The following TAMM41 variants were observed in gnomAD, a reference collection of about 807,000 sequenced individuals.
TAMM41 encodes phosphatidate cytidylyltransferase, mitochondrial.
A neutral mutation model predicts 44.1 loss-of-function variants in TAMM41; 36 were observed. The ratio of observed to expected loss-of-function variants is 0.82; its 90% CI spans 0.63 to 1.08. The LOEUF (loss-of-function observed/expected upper bound fraction) is 1.08, where lower values mean the gene tolerates loss of function less well. Among genes scored for constraint, TAMM41 ranks in the 50% least tolerant of loss-of-function variants. The pLI, the probability that TAMM41 is intolerant of heterozygous loss-of-function variation, is 0.00. For missense variants in TAMM41, 417 were observed against 404.3 expected, an observed-to-expected ratio of 1.03 and a Z score of -0.27; for synonymous variants, 164 against 153.1, an observed-to-expected ratio of 1.07 and a Z score of -0.53.
the TAMM41 span, among the ~76,000 whole-genome samples, chr3:11,765,280 G>A: frequency 6.6e-5 from 10 of 152,122 alleles, no homozygotes; most frequent in South Asian, 2.1e-4. Flanking sequence ...ACCCGTCACC[G>A]CCATCCTCGG....
chr3:11,821,703 T>C (rs1431812107), intron 4 of TAMM41, among the ~76,000 whole-genome samples: 1 of 152,120 alleles, frequency 6.6e-6, no homozygotes, highest in Non-Finnish European at 1.5e-5. Flanking sequence ...AAGCGCTGGG[T>C]CTTGGAGATA....
chr3:11,816,156 CCTA>C (rs2078268546), intron 5 of TAMM41, among the ~76,000 whole-genome samples: 1 of 151,244 alleles, frequency 6.6e-6, no homozygotes, highest in Admixed American at 6.6e-5. Context: ...GTTAGTTGCC[CCTA>C]CTATGTGGAT....
chr3:11,822,589 A>T (rs1227811123), intron 4 of TAMM41, among the ~76,000 whole-genome samples: 1 of 152,180 alleles, frequency 6.6e-6, no homozygotes, highest in Non-Finnish European at 1.5e-5. Context: ...GATCTAATCT[A>T]CTTTCTTGCC....
rs61264653 is a variant in TAMM41, at chr3:11,793,059, C to CAAAAAA, written c.938-2484_938-2479dup. ...CTGGCCACAGAGCAAGGCCCCATCT[C>CAAAAAA]AAAAAAAAAAAAAAAAAAAAAAAAA... On this transcript the variant is annotated intron_variant, in intron 7 of 7. Coordinates refer to ENST00000455809, the MANE Select transcript of TAMM41 (RefSeq NM_001284401.2). Among the ~76,000 whole-genome samples, 25 of 65,090 alleles carry CAAAAAA rather than the reference C, an allele frequency of 3.8e-4. 1 individual carries two copies. Among genetic ancestry groups the CAAAAAA allele is most frequent in the East Asian group, 2.4e-3 (4 of 1,680 alleles). The allele number at this position is 65,090 out of a possible 152,430, so 42.7% of individuals were successfully genotyped here. A position where few individuals can be genotyped will look rare whatever the true frequency, so the allele number is the denominator to read the frequency against.
the TAMM41 span, among the ~76,000 whole-genome samples, chr3:11,751,154 T>G: frequency 6.8e-6 from 1 of 147,288 alleles, no homozygotes; most frequent in African/African-American, 2.5e-5. Context: ...CACAGTGGCG[T>G]GATCTCAAAT....
chr3:11,843,895 T>A, intron 2 of TAMM41, 134 bp downstream of exon 2: 1 of 873,166 alleles, frequency 1.1e-6, no homozygotes, highest in Non-Finnish European at 1.7e-6. Flanking sequence ...AAAACATACA[T>A]ATTTCCCGAC....
intron 7 of TAMM41, among the ~76,000 whole-genome samples, chr3:11,799,570 A>G (rs1014180105): frequency 3.9e-5 from 6 of 152,246 alleles, no homozygotes; most frequent in East Asian, 1.9e-4. Flanking sequence ...GAGGTAACAT[A>G]CATTCTGTCA....
At chr3:11,828,737 C>T (rs756587358) in intron 4 of TAMM41, among the ~76,000 whole-genome samples, 2 of 152,214 alleles carry the variant, frequency 1.3e-5, no homozygotes, top group Non-Finnish European at 2.9e-5. Context: ...GTTGCAAATA[C>T]AGCCGTAGTC....
chr3:11,739,711 G>A, the TAMM41 span, among the ~76,000 whole-genome samples: 1 of 147,400 alleles, frequency 6.8e-6, no homozygotes, highest in Non-Finnish European at 1.5e-5. Context: ...ACATGTTAAG[G>A]ATGGAGCAAA....
intron 3 of TAMM41, among the ~76,000 whole-genome samples, chr3:11,838,003 T>C (rs142204963): frequency 6.6e-6 from 1 of 152,252 alleles, no homozygotes; most frequent in East Asian, 1.9e-4. Context: ...GTCCTACAAC[T>C]GAATTCGATT....
chr3:11,838,961 T>G (rs1287186214), intron 3 of TAMM41, among the ~76,000 whole-genome samples: 3 of 152,140 alleles, frequency 2.0e-5, no homozygotes, highest in Non-Finnish European at 4.4e-5. Flanking sequence ...AAAGACCCTC[T>G]CATCCCTAAC....
At chr3:11,756,412 C>T in the TAMM41 span, among the ~76,000 whole-genome samples, 9 of 152,314 alleles carry the variant, frequency 5.9e-5, no homozygotes, top group Middle Eastern at 3.4e-3. Flanking sequence ...CTGACCTTCA[C>T]GAGCTGTTTT....
At chr3:11,798,481 G>C (rs2077665491) in intron 7 of TAMM41, among the ~76,000 whole-genome samples, 1 of 152,132 alleles carries the variant, frequency 6.6e-6, no homozygotes, top group Admixed American at 6.5e-5. Flanking sequence ...GGGAACAACA[G>C]ACACTGGGGC....
chr3:11,798,694 G>A (rs1430570097), intron 7 of TAMM41, among the ~76,000 whole-genome samples: 1 of 152,132 alleles, frequency 6.6e-6, no homozygotes, highest in African/African-American at 2.4e-5. Flanking sequence ...AAGGATAGAG[G>A]TTCTGAAACT....
chr3:11,809,006 C>T, intron 6 of TAMM41: 1 of 182,226 alleles, frequency 5.5e-6, no homozygotes, highest in South Asian at 1.3e-4. Context: ...CAGGCGTGAG[C>T]CACTGCACCT....
the TAMM41 span, chr3:11,771,476 T>C: frequency 6.6e-6 from 1 of 152,204 alleles, no homozygotes; most frequent in Admixed American, 6.5e-5. Flanking sequence ...TTGCCTCATT[T>C]GTTTGTTTGT....
At chr3:11,765,689 C>T in the TAMM41 span, among the ~76,000 whole-genome samples, 2 of 146,670 alleles carry the variant, frequency 1.4e-5, no homozygotes, top group African/African-American at 5.0e-5. Context: ...ATCTTTTCAC[C>T]TTCTGGAGTC....
the TAMM41 span, among the ~76,000 whole-genome samples, chr3:11,726,800 CAA>C: frequency 0.028 from 2,600 of 93,002 alleles, 49 homozygotes; most frequent in African/African-American, 0.079. Context: ...GACTCTGTCT[CAA>C]AAAAAAAAAA....
At chr3:11,783,839 G>A in the TAMM41 span, among the ~76,000 whole-genome samples, 1 of 152,206 alleles carries the variant, frequency 6.6e-6, no homozygotes, top group Non-Finnish European at 1.5e-5. Context: ...TTAACTAGCT[G>A]TGTGACTTTA....
Sources: gnomAD v4.1 joint callset for allele counts (sites outside exome capture counted in the v4.1 genomes callset) on GRCh38, gnomAD v4.1.1 for gene constraint, MANE v1.5 for transcripts, NCBI Gene and HGNC (gene_info 2026-07-23, HGNC 2026-07-21) for gene names.